The following PDE4D variants were observed in gnomAD, a reference collection of about 807,000 sequenced individuals.
The protein encoded by PDE4D is 3',5'-cyclic-AMP phosphodiesterase 4D.
In PDE4D, 24 loss-of-function variants were observed where a neutral mutation model predicts 87.4. The observed-to-expected ratio is 0.27, with a 90% CI of 0.20 to 0.39. The LOEUF is 0.39. Ranked by LOEUF, PDE4D falls within the 10% of genes least tolerant of loss-of-function variation. The pLI is 1.00. For synonymous variants in PDE4D, 384 were observed against 383.2 expected, an observed-to-expected ratio of 1.00 and a Z score of -0.02; for missense variants, 714 against 1,041.0, an observed-to-expected ratio of 0.69 and a Z score of 4.32.
chr5:60,110,362 A>G (rs932976032), intron 2 of PDE4D, among the ~76,000 whole-genome samples: 2 of 152,150 alleles, frequency 1.3e-5, no homozygotes, highest in African/African-American at 4.8e-5. Context: ...TGGGCAAAAT[A>G]TCTGAATAGA....
chr5:60,441,679 A>C (rs965065051), intron 1 of PDE4D, among the ~76,000 whole-genome samples: 3 of 152,218 alleles, frequency 2.0e-5, no homozygotes, highest in Non-Finnish European at 4.4e-5. Flanking sequence ...AATTTTTGCA[A>C]TCTATCCATC....
At chr5:59,786,872 T>C (rs189482950) in intron 1 of PDE4D, among the ~76,000 whole-genome samples, 46 of 152,316 alleles carry the variant, frequency 3.0e-4, no homozygotes, top group East Asian at 2.9e-3. Flanking sequence ...CATTTTTTTT[T>C]CCACCTATCT....
chr5:59,932,123 C>T (rs1299472461), intron 3 of PDE4D, among the ~76,000 whole-genome samples: 3 of 152,176 alleles, frequency 2.0e-5, no homozygotes, highest in Non-Finnish European at 4.4e-5. Flanking sequence ...TTTTAGAAAC[C>T]ATCCACATTC....
chr5:59,102,243 C>T (rs1038803327), intron 5 of PDE4D, among the ~76,000 whole-genome samples: 9 of 151,928 alleles, frequency 5.9e-5, no homozygotes, highest in Admixed American at 1.3e-4. Context: ...TGTGCCACTA[C>T]TCCTGGCTAA....
intron 1 of PDE4D, among the ~76,000 whole-genome samples, chr5:59,327,591 A>C (rs1220674738): frequency 6.6e-6 from 1 of 152,198 alleles, no homozygotes; most frequent in Non-Finnish European, 1.5e-5. Flanking sequence ...ACTTAATGAG[A>C]TCCGTTGTTA....
chr5:59,900,930 T>C (rs764883486), intron 3 of PDE4D, among the ~76,000 whole-genome samples: 2 of 152,166 alleles, frequency 1.3e-5, no homozygotes, highest in Admixed American at 1.3e-4. Flanking sequence ...TGAAAAGTAA[T>C]GTGGTAGGTA....
intron 1 of PDE4D, among the ~76,000 whole-genome samples, chr5:59,869,131 G>T (rs1747454668): frequency 6.6e-6 from 1 of 152,150 alleles, no homozygotes; most frequent in South Asian, 2.1e-4. Context: ...TGACGATCTG[G>T]CTAATAGACA....
chr5:59,495,556 C>T (rs931381370), intron 1 of PDE4D, among the ~76,000 whole-genome samples: 1 of 152,104 alleles, frequency 6.6e-6, no homozygotes, highest in Admixed American at 6.5e-5. Flanking sequence ...TAAGTGGACA[C>T]CTTCTGAGCA....
intron 6 of PDE4D, among the ~76,000 whole-genome samples, chr5:59,006,388 A>T (rs1249450828): frequency 1.3e-5 from 2 of 151,926 alleles, no homozygotes; most frequent in Non-Finnish European, 2.9e-5. Context: ...AACATAGAGA[A>T]ACCACCGTCT....
At chr5:60,461,486 G>A (rs1304889369) in intron 1 of PDE4D, among the ~76,000 whole-genome samples, 5 of 152,232 alleles carry the variant, frequency 3.3e-5, no homozygotes, top group Admixed American at 3.3e-4. Flanking sequence ...TCAAGGAAAA[G>A]AAAGAGAAAG....
intron 2 of PDE4D, among the ~76,000 whole-genome samples, chr5:60,098,934 T>C (rs1775966180): frequency 6.6e-6 from 1 of 151,978 alleles, no homozygotes; most frequent in African/African-American, 2.4e-5. Flanking sequence ...TTACTTCGGG[T>C]CCTTTCATTT....
At chr5:59,596,238 CAT>C (rs1263224705) in intron 1 of PDE4D, among the ~76,000 whole-genome samples, 7 of 149,064 alleles carry the variant, frequency 4.7e-5, no homozygotes, top group African/African-American at 1.7e-4. Context: ...ATATTTATAA[CAT>C]ATGTATATTA....
chr5:60,358,793 C>T (rs1759825092), intron 1 of PDE4D, among the ~76,000 whole-genome samples: 1 of 152,114 alleles, frequency 6.6e-6, no homozygotes, highest in Non-Finnish European at 1.5e-5. Context: ...ATGTTTTTCC[C>T]TGAATTTAAA....
intron 1 of PDE4D, among the ~76,000 whole-genome samples, chr5:59,527,801 A>ATTTGATTT (rs1391996010): frequency 6.6e-6 from 1 of 152,248 alleles, no homozygotes; most frequent in Non-Finnish European, 1.5e-5. Flanking sequence ...CAAATGCAAG[A>ATTTGATTT]TATTTGGCTA....
At chr5:59,640,787 C>G (rs571882602) in intron 1 of PDE4D, among the ~76,000 whole-genome samples, 1 of 152,298 alleles carries the variant, frequency 6.6e-6, no homozygotes, top group African/African-American at 2.4e-5. Context: ...ACCTCTTGCA[C>G]AGAAAACAAA....
intron 1 of PDE4D, among the ~76,000 whole-genome samples, chr5:59,567,881 T>C (rs558240359): frequency 1.3e-4 from 20 of 152,334 alleles, no homozygotes; most frequent in Admixed American, 3.3e-4. Context: ...ATCTATCATC[T>C]ATCTATTTAT....
chr5:59,913,930 A>C (rs1456756589), intron 3 of PDE4D, among the ~76,000 whole-genome samples: 1 of 152,100 alleles, frequency 6.6e-6, no homozygotes, highest in Non-Finnish European at 1.5e-5. Flanking sequence ...GCTGTATCCA[A>C]TACTGAAAAC....
chr5:59,127,634 A>G (rs954147670), intron 5 of PDE4D, among the ~76,000 whole-genome samples: 44 of 34,958 alleles, frequency 1.3e-3, no homozygotes, highest in African/African-American at 8.5e-3. Context: ...CACCCCCCAC[A>G]CTCCAGCACC....
chr5:59,982,291 A>C (rs563856843), intron 3 of PDE4D, among the ~76,000 whole-genome samples: 1 of 152,308 alleles, frequency 6.6e-6, no homozygotes, highest in East Asian at 1.9e-4. Context: ...ATCTATCCAG[A>C]GGTGTGTCAT....
Sources: gnomAD v4.1 joint callset for allele counts (sites outside exome capture counted in the v4.1 genomes callset) on GRCh38, gnomAD v4.1.1 for gene constraint, MANE v1.5 for transcripts, NCBI Gene and HGNC (gene_info 2026-07-23, HGNC 2026-07-21) for gene names.